The following SEMA3D variants were observed in gnomAD, a reference collection of about 807,000 sequenced individuals.
The protein encoded by SEMA3D is semaphorin-3D.
A neutral mutation model predicts 100.1 loss-of-function variants in SEMA3D; 84 were observed. The ratio of observed to expected loss-of-function variants is 0.84; its 90% CI spans 0.70 to 1.01. The LOEUF is 1.01. SEMA3D is among the 50% of genes least tolerant of loss of function. The pLI, the probability that SEMA3D is intolerant of heterozygous loss-of-function variation, is 0.00. For missense variants in SEMA3D, 875 were observed against 934.1 expected (o/e 0.94, Z 0.82); for synonymous variants, 312 against 320.7 (o/e 0.97, Z 0.29).
At chr7:85,187,219 T>G (rs536670034), upstream of SEMA3D, among the ~76,000 whole-genome samples, 2 of 152,268 alleles carry the variant, frequency 1.3e-5, no homozygotes, top group Non-Finnish European at 2.9e-5. Flanking sequence ...GAGGTAGCCC[T>G]GGCCAAGCGC....
At chr7:85,005,692 G>A (rs1789776769) in intron 18 of SEMA3D, among the ~76,000 whole-genome samples, 1 of 151,786 alleles carries the variant, frequency 6.6e-6, no homozygotes, top group African/African-American at 2.4e-5. Context: ...TTCTTTTACT[G>A]TGAGGGACTG....
At chr7:85,085,122 A>G (rs1212401157) in intron 4 of SEMA3D, among the ~76,000 whole-genome samples, 1 of 152,090 alleles carries the variant, frequency 6.6e-6, no homozygotes, top group Non-Finnish European at 1.5e-5. Context: ...AGCATGTAAG[A>G]TCCTGTTCTT....
At chr7:85,249,546 TC>T in the SEMA3D span, among the ~76,000 whole-genome samples, 1 of 152,180 alleles carries the variant, frequency 6.6e-6, no homozygotes, top group Non-Finnish European at 1.5e-5. Flanking sequence ...GAGCCAACTA[TC>T]CCTTGAAACT....
In SEMA3D at chr7:85,105,356, C is replaced by T. The variant is rs138355144; in HGVS notation, c.152-7391G>A. The stretch of plus-strand genomic sequence containing the variant: ...GGCATGGATTCTCTCTTAGATTTAA[C>T]ATTGGGAAAATTAGCTCATCTTAAC... On this transcript the variant is annotated intron_variant, in intron 3 of 18. Coordinates refer to ENST00000284136, the MANE Select transcript of SEMA3D (RefSeq NM_001384900.1). 4.3e-3 allele frequency among the ~76,000 whole-genome samples: 655 copies of T among 152,128 alleles called. 8 individuals carry two copies. The highest frequency in any genetic ancestry group is 0.027 in the Admixed American group (415 of 15,246).
the SEMA3D span, among the ~76,000 whole-genome samples, chr7:85,217,000 A>G: frequency 6.6e-6 from 1 of 152,090 alleles, no homozygotes; most frequent in African/African-American, 2.4e-5. Flanking sequence ...AAAGCATTTT[A>G]TATAAATGTT....
intron 2 of SEMA3D, among the ~76,000 whole-genome samples, chr7:85,147,246 G>A (rs1232857388): frequency 1.3e-5 from 2 of 151,822 alleles, no homozygotes; most frequent in Non-Finnish European, 2.9e-5. Context: ...GGCATTACAA[G>A]CATGCACCAC....
At chr7:85,185,291 G>A (rs1356699089) in intron 1 of SEMA3D, among the ~76,000 whole-genome samples, 1 of 151,782 alleles carries the variant, frequency 6.6e-6, no homozygotes, top group Non-Finnish European at 1.5e-5. Context: ...CTCTACCTCC[G>A]CCTCAACCCT....
chr7:85,087,510 A>T (rs896841919), intron 4 of SEMA3D, among the ~76,000 whole-genome samples: 8 of 152,222 alleles, frequency 5.3e-5, no homozygotes, highest in African/African-American at 1.9e-4. Context: ...CAACTTACTT[A>T]TTCAGGGTAT....
chr7:85,151,499 C>A (rs1790385102), intron 2 of SEMA3D: 3 of 356,654 alleles, frequency 8.4e-6, no homozygotes, highest in Non-Finnish European at 1.2e-5. Flanking sequence ...TTAATCAGAA[C>A]TAGGGAGTTC....
chr7:85,243,461 G>C, the SEMA3D span, among the ~76,000 whole-genome samples: 1 of 152,082 alleles, frequency 6.6e-6, no homozygotes, highest in African/African-American at 2.4e-5. Flanking sequence ...AGAGGTGTCC[G>C]TTTGTGGGTT....
intron 2 of SEMA3D, among the ~76,000 whole-genome samples, chr7:85,147,609 A>AT (rs1304836935): frequency 3.9e-5 from 6 of 152,100 alleles, no homozygotes; most frequent in African/African-American, 7.2e-5. Flanking sequence ...CTATAAATAT[A>AT]TTTTTCTGAT....
chr7:85,081,175 T>C (rs1788048086), intron 5 of SEMA3D, among the ~76,000 whole-genome samples: 1 of 152,226 alleles, frequency 6.6e-6, no homozygotes, highest in Admixed American at 6.5e-5. Flanking sequence ...CAAAAACATG[T>C]ATGCATAAAT....
At position 85,037,736 on chromosome 7, in the gene SEMA3D, C is replaced by T. The variant is rs142965711; in HGVS notation, c.1047-703G>A. Reference sequence around the variant, plus strand: ...CAGGATTAGAGAAAGTATTAAGAGGCAAAAAACTCCAAAGGAATTTTTTCA... The same window carrying T: ...CAGGATTAGAGAAAGTATTAAGAGGTAAAAAACTCCAAAGGAATTTTTTCA... On this transcript the variant is annotated intron_variant, in intron 11 of 18. Coordinates refer to ENST00000284136, the MANE Select transcript of SEMA3D (RefSeq NM_001384900.1). Among the ~76,000 whole-genome samples, 407 of 151,986 alleles carry T rather than the reference C, an allele frequency of 2.7e-3. 2 individuals carry two copies. The highest frequency in any genetic ancestry group is 9.4e-3 in the African/African-American group (391 of 41,488).
the SEMA3D span, among the ~76,000 whole-genome samples, chr7:85,211,199 C>T: frequency 3.3e-5 from 5 of 151,886 alleles, no homozygotes; most frequent in Admixed American, 6.6e-5. Flanking sequence ...ATAAGGTAAA[C>T]GGGTTCCCAA....
chr7:85,140,600 T>C (rs1233766123), intron 2 of SEMA3D: 1 of 880,912 alleles, frequency 1.1e-6, no homozygotes, highest in Non-Finnish European at 1.4e-6. Context: ...TATATATCTC[T>C]ATATATAATA....
At chr7:85,055,064 G>T (rs1367365036) in intron 9 of SEMA3D, among the ~76,000 whole-genome samples, 1 of 151,900 alleles carries the variant, frequency 6.6e-6, no homozygotes, top group East Asian at 1.9e-4. Context: ...CATTGTGGTT[G>T]TTTGTTTTTT....
intron 5 of SEMA3D, among the ~76,000 whole-genome samples, chr7:85,081,296 A>G (rs986817128): frequency 2.0e-5 from 3 of 152,218 alleles, no homozygotes; most frequent in African/African-American, 7.2e-5. Flanking sequence ...TTAATACATT[A>G]GAAAGTAGAG....
chr7:85,028,517 G>A, intron 12 of SEMA3D: 1 of 331,672 alleles, frequency 3.0e-6, no homozygotes, highest in East Asian at 7.6e-5. Flanking sequence ...CACCTACTTA[G>A]GTGGAGAGGA....
At chr7:85,050,072 AACACACAC>A (rs55849524) in intron 9 of SEMA3D, among the ~76,000 whole-genome samples, 3,474 of 136,892 alleles carry the variant, frequency 0.025, 70 homozygotes, top group East Asian at 0.067. Flanking sequence ...CTTGAAGGGA[AACACACAC>A]ACACACACAC....
Sources: gnomAD v4.1 joint callset for allele counts (sites outside exome capture counted in the v4.1 genomes callset) on GRCh38, gnomAD v4.1.1 for gene constraint, MANE v1.5 for transcripts, NCBI Gene and HGNC (gene_info 2026-07-23, HGNC 2026-07-21) for gene names.